The following PAX8 variants were observed in gnomAD, a reference collection of about 807,000 sequenced individuals.
PAX8 encodes paired box 8, also known as paired box protein Pax-8.
Under a neutral mutation model 52.4 loss-of-function variants are expected in PAX8, and 15 were observed. The ratio of observed to expected loss-of-function variants is 0.29; its 90% CI spans 0.19 to 0.44. The LOEUF (loss-of-function observed/expected upper bound fraction) is 0.44. Among genes scored for constraint, PAX8 ranks in the 20% least tolerant of loss-of-function variants. The pLI, the probability that PAX8 is intolerant of heterozygous loss-of-function variation, is 1.00. For missense variants in PAX8, 554 were observed against 602.5 expected (o/e 0.92, Z 0.84); for synonymous variants, 284 against 249.7 (o/e 1.14, Z -1.29).
chr2:113,224,466 G>A lies in PAX8; in HGVS notation c.1189+2689C>T, dbSNP rs192604864. On this transcript the variant is annotated intron_variant, in intron 10 of 11. Transcript: ENST00000429538. The stretch of plus-strand genomic sequence containing the variant: ...GGAGGCTGAGGCAGGAGAATCACTT[G>A]AACCCGGGAGGCAGAGGTTGCAGTG... 2.5e-3 allele frequency among the ~76,000 whole-genome samples: 367 copies of A among 149,654 alleles called. 2 individuals are homozygous for A. Among genetic ancestry groups the A allele is most frequent in the African/African-American group, 8.8e-3 (355 of 40,504 alleles).
chr2:113,217,116 G>A lies in PAX8; in HGVS notation c.*1417C>T, dbSNP rs1689053327. ...AGCAACTCCTTGTGGGGAGTCTATGGTTGGCTCAGTACTGTGCTATCCTTG... is the reference window on the plus strand; with the variant it reads ...AGCAACTCCTTGTGGGGAGTCTATGATTGGCTCAGTACTGTGCTATCCTTG... On this transcript the variant is annotated 3_prime_UTR_variant, in exon 12 of 12. Coordinates refer to ENST00000429538, the MANE Select transcript of PAX8 (RefSeq NM_003466.4). 4.4e-6 allele frequency: 1 copy of A among 229,026 alleles called. No individual in the cohort carries two copies. The highest frequency in any genetic ancestry group is 2.2e-5 in the African/African-American group (1 of 45,104). 14.2% of individuals were successfully genotyped at this position (229,026 alleles called of 1,614,324 possible).
chr2:113,255,383 T>C (rs896991789), intron 2 of PAX8: 19 of 152,016 alleles, frequency 1.2e-4, no homozygotes, highest in African/African-American at 4.1e-4. Context: ...AATTCTGTTT[T>C]CCACAGACAC....
At chr2:113,261,801 T>G (rs877201) in intron 2 of PAX8, among the ~76,000 whole-genome samples, 58,721 of 151,666 alleles carry the variant, frequency 0.39, 11,594 homozygotes, top group African/African-American at 0.43. Flanking sequence ...CTGAAGCAAG[T>G]CATGCCCTGA....
intron 2 of PAX8, among the ~76,000 whole-genome samples, chr2:113,255,030 AGAAG>A (rs1159781876): frequency 4.0e-5 from 6 of 149,140 alleles, no homozygotes; most frequent in African/African-American, 9.8e-5. Flanking sequence ...AAAGAAGGGA[AGAAG>A]GAAGGAAGGA....
At chr2:113,244,906 G>A (rs1389349561) in intron 3 of PAX8, among the ~76,000 whole-genome samples, 2 of 152,142 alleles carry the variant, frequency 1.3e-5, no homozygotes, top group Non-Finnish European at 2.9e-5. Flanking sequence ...CCTAGCATCT[G>A]CAACAGCCAT....
In PAX8 at chr2:113,236,689, G is replaced by A; in HGVS notation, c.810C>T (p.Thr270=). 1 of 1,584,904 alleles carries A rather than the reference G, an allele frequency of 6.3e-7. No homozygotes were observed. The highest frequency in any genetic ancestry group is 1.3e-5 in the African/African-American group (1 of 74,538). ...GLYPLPLLNS[T]LDDGKATLTP... is the part of the protein sequence containing the mutation. Reference sequence around the variant, plus strand: ...TCAGGGTGGCCTTCCCGTCGTCCAGGGTGCTGTTGAGCAAGGGCAGCGGGT... The same window carrying A: ...TCAGGGTGGCCTTCCCGTCGTCCAGAGTGCTGTTGAGCAAGGGCAGCGGGT... The change falls in exon 8 of 12, where the codon ACC becomes ACT. Residue 270 remains threonine (T), a synonymous_variant. Coordinates refer to ENST00000429538, the MANE Select transcript of PAX8 (RefSeq NM_003466.4).
chr2:113,259,107 C>T (rs1692475683), intron 2 of PAX8: 1 of 152,466 alleles, frequency 6.6e-6, no homozygotes, highest in South Asian at 2.1e-4. Context: ...TTGGTGCTGT[C>T]TCAGAGATTT....
intron 2 of PAX8, among the ~76,000 whole-genome samples, chr2:113,258,799 A>G (rs1367661491): frequency 6.6e-6 from 1 of 151,852 alleles, no homozygotes; most frequent in Non-Finnish European, 1.5e-5. Context: ...GGTTGGCTTC[A>G]CTGTGTGGTT....
chr2:113,230,851 C>T (rs544578293), intron 9 of PAX8, among the ~76,000 whole-genome samples: 4 of 152,310 alleles, frequency 2.6e-5, no homozygotes, highest in African/African-American at 7.2e-5. Flanking sequence ...CATCATAAAA[C>T]GATCCTCGCT....
chr2:113,247,158 G>C (rs1019812709), intron 2 of PAX8, among the ~76,000 whole-genome samples: 1 of 152,204 alleles, frequency 6.6e-6, no homozygotes, highest in Non-Finnish European at 1.5e-5. Context: ...GAGCACCTTG[G>C]GCTTGGGGAC....
At chr2:113,226,316 A>G in intron 10 of PAX8, 2 of 985,450 alleles carry the variant, frequency 2.0e-6, no homozygotes, top group South Asian at 4.7e-5. Flanking sequence ...CTCTTTCCAG[A>G]AACTCCAGGT....
At chr2:113,241,778 C>T (rs1397837373) in intron 6 of PAX8, 52 bp from the exon 7 acceptor site, 4 of 1,595,152 alleles carry the variant, frequency 2.5e-6, no homozygotes, top group South Asian at 1.1e-5. Context: ...TCTATTCATG[C>T]TCTAGGCCAA....
intron 10 of PAX8, 26 bp downstream of exon 10, chr2:113,227,128 TC>T: frequency 6.4e-7 from 1 of 1,559,690 alleles, no homozygotes; most frequent in African/African-American, 1.3e-5. Flanking sequence ...TTTGCAGTGC[TC>T]CCCTTCCTGC....
chr2:113,231,911 A>G (rs542623550), intron 9 of PAX8, among the ~76,000 whole-genome samples: 1 of 152,216 alleles, frequency 6.6e-6, no homozygotes, highest in African/African-American at 2.4e-5. Context: ...TATTTTTAGT[A>G]GAGATGGGGT....
intron 6 of PAX8, 116 bp from the exon 7 acceptor site, chr2:113,241,842 C>A: frequency 1.4e-6 from 2 of 1,460,502 alleles, no homozygotes; most frequent in Non-Finnish European, 1.9e-6. Flanking sequence ...AAGGGCCAGC[C>A]ACGTGGGCCC....
rs776315252 is a variant in PAX8 at position 113,246,848 on chromosome 2, G to A, written c.97C>T (p.Arg33Cys). The part of the protein sequence containing the change: ...GRPLPEVVRQ[R>C]IVDLAHQGVR... Reference sequence around the variant, plus strand: ...CCCTGGTGGGCCAGGTCTACGATGCGCTGGCGGACCACTTCCGGCAGAGGT... The same window carrying A: ...CCCTGGTGGGCCAGGTCTACGATGCACTGGCGGACCACTTCCGGCAGAGGT... Residue 33 changes from arginine to cysteine, a missense_variant, in exon 3 of 12, where the codon CGC becomes TGC. By Grantham distance (180) the Arg-to-Cys change is radical. Transcript: ENST00000429538. 8.1e-6 allele frequency: 13 copies of A among 1,614,036 alleles called. No individual in the cohort carries two copies. Among genetic ancestry groups the A allele is most frequent in the Admixed American group, 1.7e-5 (1 of 60,016 alleles).
intron 2 of PAX8, among the ~76,000 whole-genome samples, chr2:113,264,717 A>G (rs1286851657): frequency 6.6e-6 from 1 of 152,196 alleles, no homozygotes; most frequent in Non-Finnish European, 1.5e-5. Flanking sequence ...CAGGGAGTGG[A>G]GCAGGTGCAG....
intron 2 of PAX8, among the ~76,000 whole-genome samples, chr2:113,261,031 C>G (rs1042083277): frequency 3.9e-5 from 6 of 152,042 alleles, no homozygotes; most frequent in African/African-American, 1.2e-4. Context: ...CACACAGGAG[C>G]AAAATCTGTG....
chr2:113,273,847 G>A (rs1006185863), intron 2 of PAX8: 12 of 151,930 alleles, frequency 7.9e-5, no homozygotes, highest in Admixed American at 4.6e-4. Context: ...ATGTTTGTAC[G>A]TCTTAAATTT....
Sources: gnomAD v4.1 joint callset for allele counts (sites outside exome capture counted in the v4.1 genomes callset) on GRCh38, gnomAD v4.1.1 for gene constraint, MANE v1.5 for transcripts, NCBI Gene and HGNC (gene_info 2026-07-23, HGNC 2026-07-21) for gene names.